Variants in PCDHGA6 observed in about 807,000 individuals in gnomAD.
The protein encoded by PCDHGA6 is protocadherin gamma subfamily A, 6.
In PCDHGA6, 41 loss-of-function variants were observed where a neutral mutation model predicts 60.6. That is an observed-to-expected ratio of 0.68 (90% CI 0.53 to 0.88). The LOEUF (loss-of-function observed/expected upper bound fraction) is 0.88, where lower values mean the gene tolerates loss of function less well. Ranked by LOEUF, PCDHGA6 falls within the 40% of genes least tolerant of loss-of-function variation. The pLI, the probability that PCDHGA6 is intolerant of heterozygous loss-of-function variation, is 0.00. For missense variants in PCDHGA6, 1,312 were observed against 1,203.0 expected (o/e 1.09, Z -1.34); for synonymous variants, 594 against 524.4 (o/e 1.13, Z -1.81).
At chr5:141,389,227 C>A (rs1412412051) in intron 1 of PCDHGA6, 1 of 1,613,906 alleles carries the variant, frequency 6.2e-7, no homozygotes, top group Non-Finnish European at 8.5e-7. Context: ...GACAACGCTC[C>A]GGTTTTCTCA....
intron 1 of PCDHGA6, chr5:141,422,984 G>A (rs752694873): frequency 4.5e-5 from 73 of 1,614,112 alleles, no homozygotes; most frequent in Non-Finnish European, 5.9e-5. Flanking sequence ...GCGGAACCTG[G>A]CTACCTGGTG....
intron 1 of PCDHGA6, chr5:141,403,291 A>T: frequency 6.2e-7 from 1 of 1,613,918 alleles, no homozygotes; most frequent in Non-Finnish European, 8.5e-7. Flanking sequence ...TTGAAGACAG[A>T]GTGAAACTGT....
In PCDHGA6 at chr5:141,376,687, T is replaced by G. The variant is rs1033908230; in HGVS notation, c.2424+180T>G. On this transcript the variant is annotated intron_variant, in intron 1 of 3. Coordinates refer to ENST00000517434, the MANE Select transcript of PCDHGA6 (RefSeq NM_018919.3). ...CAGGTGAGGGTATCGTTTTTTTTTT[T>G]TTTTTTTTTTGAGACGGAGTCTCGC... The G allele has an allele frequency of 1.3e-4, 108 of 822,468 alleles. 3 individuals are homozygous for G. The highest frequency in any genetic ancestry group is 8.8e-4 in the East Asian group (32 of 36,212). 50.9% of individuals were successfully genotyped at this position (822,468 alleles called of 1,614,324 possible).
At chr5:141,413,785 C>G (rs771027783) in intron 1 of PCDHGA6, 17 of 1,613,070 alleles carry the variant, frequency 1.1e-5, no homozygotes, top group Non-Finnish European at 1.4e-5. Flanking sequence ...GGAGCACTCC[C>G]TAGATCGCGA....
In PCDHGA6 at chr5:141,418,416, C is replaced by G. The variant is rs377542164; in HGVS notation, c.2424+41909C>G. The G allele has an allele frequency of 2.9e-5, 46 of 1,613,866 alleles. No homozygotes were observed. Among genetic ancestry groups the G allele is most frequent in the Non-Finnish European group, 3.4e-5 (40 of 1,179,880 alleles). ...TTCTCATTGGTGGAGAAAGACAATC[C>G]TGATGGTGGCAAATATCCAGAATTA... On this transcript the variant is annotated intron_variant, in intron 1 of 3. Transcript: ENST00000517434.
intron 1 of PCDHGA6, among the ~76,000 whole-genome samples, chr5:141,435,367 A>C (rs2097758993): frequency 1.3e-5 from 2 of 152,194 alleles, no homozygotes; most frequent in African/African-American, 4.8e-5. Flanking sequence ...TTTATCACTT[A>C]AATATACAAT....
chr5:141,491,118 T>C lies in PCDHGA6; in HGVS notation c.2425-3689T>C, dbSNP rs1421005816. Reference sequence around the variant, plus strand: ...TGTTCCTCGTGTCTACACACACTGGTGAGGTGCGCACAGCCCGGGCCTTAC... The same window carrying C: ...TGTTCCTCGTGTCTACACACACTGGCGAGGTGCGCACAGCCCGGGCCTTAC... On this transcript the variant is annotated intron_variant, in intron 1 of 3. Coordinates refer to ENST00000517434, the MANE Select transcript of PCDHGA6 (RefSeq NM_018919.3). This position sits in a 1 kb window ranked among gnomAD's most constrained non-coding sequence, Gnocchi z 6.9. The C allele has an allele frequency of 1.2e-6, 2 of 1,613,926 alleles. No homozygotes were observed. Among genetic ancestry groups the C allele is most frequent in the African/African-American group, 2.7e-5 (2 of 74,890 alleles).
chr5:141,403,237 C>T (rs1293614874), intron 1 of PCDHGA6: 1 of 1,613,824 alleles, frequency 6.2e-7, no homozygotes, highest in Non-Finnish European at 8.5e-7. Flanking sequence ...GGGAGGAGCT[C>T]TGTGCTCAGA....
intron 1 of PCDHGA6, chr5:141,393,065 G>C (rs980151183): frequency 6.2e-7 from 1 of 1,613,646 alleles, no homozygotes; most frequent in African/African-American, 1.3e-5. Context: ...GCGGCAGCTT[G>C]ATCACCGCGG....
intron 1 of PCDHGA6, chr5:141,414,091 A>C (rs774168035): frequency 7.5e-6 from 12 of 1,594,412 alleles, no homozygotes; most frequent in African/African-American, 1.3e-5. Flanking sequence ...TGGAGAAATA[A>C]AAATATCAGA....
At chr5:141,409,869 A>G (rs2095329006) in intron 1 of PCDHGA6, 2 of 1,612,632 alleles carry the variant, frequency 1.2e-6, no homozygotes, top group African/African-American at 1.3e-5. Context: ...GGAGACCGCA[A>G]TGACAACGCA....
At chr5:141,450,364 T>G (rs2098678485) in intron 1 of PCDHGA6, among the ~76,000 whole-genome samples, 1 of 152,188 alleles carries the variant, frequency 6.6e-6, no homozygotes, top group Admixed American at 6.5e-5. Flanking sequence ...TCCTCAGCCT[T>G]GTTTGTTTAT....
At position 141,409,172 on chromosome 5, in the gene PCDHGA6, G is replaced by T. The variant is rs574905228; in HGVS notation, c.2424+32665G>T. ...CACCATGGAAGTGGAAGCGAAGGAC[G>T]GAGGTGGTCTCTCTACCCAGTGTAA... On this transcript the variant is annotated intron_variant, in intron 1 of 3. Coordinates refer to ENST00000517434, the MANE Select transcript of PCDHGA6 (RefSeq NM_018919.3). The T allele has an allele frequency of 1.4e-5, 22 of 1,614,006 alleles. No homozygotes were observed. In the South Asian group the frequency reaches 2.4e-4, roughly 18 times the overall value.
chr5:141,400,126 G>C, intron 1 of PCDHGA6: 1 of 1,614,090 alleles, frequency 6.2e-7, no homozygotes. Context: ...CTTGCAGGAG[G>C]TGCTGCCGGA....
intron 1 of PCDHGA6, chr5:141,390,549 T>A (rs1258668887): frequency 2.1e-6 from 1 of 482,262 alleles, no homozygotes; most frequent in Non-Finnish European, 3.7e-6. Context: ...AAAGTGAAAG[T>A]GTTAGACAGT....
chr5:141,388,032 C>T (rs747852798), intron 1 of PCDHGA6: 3 of 1,431,396 alleles, frequency 2.1e-6, no homozygotes, highest in Non-Finnish European at 1.9e-6. Flanking sequence ...AGTGGGGAAC[C>T]TCGCCACGGA....
intron 1 of PCDHGA6, among the ~76,000 whole-genome samples, chr5:141,444,735 C>A (rs924159168): frequency 1.3e-5 from 2 of 152,116 alleles, no homozygotes; most frequent in Admixed American, 1.3e-4. Context: ...TGTTGAAAGT[C>A]ATTTCACTGA....
rs1049659012 is a variant in PCDHGA6, at chr5:141,375,611, G to C, written c.1528G>C (p.Asp510His). Reference sequence around the variant, plus strand: ...GTCCTCCTACGTGTCCATCAACTCCGACACTGGGATTCTGTACGCCCTGCG... The same window carrying C: ...GTCCTCCTACGTGTCCATCAACTCCCACACTGGGATTCTGTACGCCCTGCG... ...PLSSYVSINS[D>H]TGILYALRSF... Residue 510 changes from aspartate to histidine, a missense_variant, in exon 1 of 4, where the codon GAC (aspartate) becomes CAC (histidine). Asp to His is a moderately conservative substitution (Grantham distance 81, BLOSUM62 -1). Coordinates refer to ENST00000517434, the MANE Select transcript of PCDHGA6 (RefSeq NM_018919.3). 3 of 1,614,060 alleles carry C rather than the reference G, an allele frequency of 1.9e-6. No individual in the cohort carries two copies. Among genetic ancestry groups the C allele is most frequent in the African/African-American group, 1.3e-5 (1 of 74,938 alleles).
chr5:141,460,027 G>A (rs1002703325), intron 1 of PCDHGA6, among the ~76,000 whole-genome samples: 3 of 152,088 alleles, frequency 2.0e-5, no homozygotes, highest in East Asian at 1.9e-4. Flanking sequence ...GCAGTGAGCC[G>A]AGACTGCACC....
Sources: gnomAD v4.1 joint callset for allele counts (sites outside exome capture counted in the v4.1 genomes callset) on GRCh38, gnomAD v4.1.1 for gene constraint, Gnocchi (gnomAD v3.1) non-coding constraint, MANE v1.5 for transcripts, NCBI Gene and HGNC (gene_info 2026-07-23, HGNC 2026-07-21) for gene names.